The following RORA variants were observed in gnomAD, a reference collection of about 807,000 sequenced individuals.
RORA encodes RAR related orphan receptor A, also known as nuclear receptor ROR-alpha.
Under a neutral mutation model 69.5 loss-of-function variants are expected in RORA, and 7 were observed. The observed-to-expected ratio is 0.10, with a 90% confidence interval of 0.06 to 0.19. The LOEUF (loss-of-function observed/expected upper bound fraction) is 0.19. Ranked by LOEUF, RORA falls within the 10% of genes least tolerant of loss-of-function variation. RORA has a pLI of 1.00. For synonymous variants in RORA, 261 were observed against 240.8 expected (o/e 1.08, Z -0.78); for missense variants, 457 against 663.0 (o/e 0.69, Z 3.41).
At chr15:60,709,317 C>G (rs1261900567) in intron 1 of RORA, among the ~76,000 whole-genome samples, 6 of 152,146 alleles carry the variant, frequency 3.9e-5, no homozygotes, top group Admixed American at 3.9e-4. Context: ...TCTGAGAAAC[C>G]ATTAGCATTA....
At chr15:60,669,061 G>C (rs2070423811) in intron 2 of RORA, among the ~76,000 whole-genome samples, 1 of 152,188 alleles carries the variant, frequency 6.6e-6, no homozygotes, top group South Asian at 2.1e-4. Flanking sequence ...GGGTTGGAAA[G>C]ACAGAGGCTC....
intron 1 of RORA, among the ~76,000 whole-genome samples, chr15:60,903,480 T>C (rs1891446838): frequency 6.6e-6 from 1 of 152,148 alleles, no homozygotes; most frequent in African/African-American, 2.4e-5. Flanking sequence ...ATCCTCAGAG[T>C]CCTAATTCTG....
In RORA at chr15:60,949,673, TG is replaced by T. The variant is rs139535188; in HGVS notation, c.167-270988del. Among the ~76,000 whole-genome samples, 988 of 152,378 alleles carry T rather than the reference TG, an allele frequency of 6.5e-3. 4 individuals carry two copies. Among genetic ancestry groups the T allele is most frequent in the Middle Eastern group, 0.027 (8 of 294 alleles). ...TTGTCAACTGGTGTCTTGCTGCATTTGCCACAGATCCCATAGTGTGGTGTTA... is the reference window on the plus strand; with the variant it reads ...TTGTCAACTGGTGTCTTGCTGCATTTCCACAGATCCCATAGTGTGGTGTTA... On this transcript the variant is annotated intron_variant, in intron 1 of 10. Transcript: ENST00000335670.
chr15:60,859,267 G>A (rs537756349), intron 1 of RORA, among the ~76,000 whole-genome samples: 1 of 151,912 alleles, frequency 6.6e-6, no homozygotes, highest in Non-Finnish European at 1.5e-5. Context: ...AAGGACAATG[G>A]CTTTGTCGTC....
intron 1 of RORA, among the ~76,000 whole-genome samples, chr15:61,025,860 T>A (rs1431509879): frequency 6.6e-6 from 1 of 152,240 alleles, no homozygotes; most frequent in African/African-American, 2.4e-5. Flanking sequence ...TTGCCATGCC[T>A]ACATTCTTTC....
chr15:61,100,112 CTTT>C (rs911036920), intron 1 of RORA, among the ~76,000 whole-genome samples: 1 of 119,054 alleles, frequency 8.4e-6, no homozygotes, highest in Admixed American at 9.0e-5. Context: ...GGTCAATTTT[CTTT>C]TTTTTTTTTT....
chr15:60,867,643 T>G (rs933222060), intron 1 of RORA, among the ~76,000 whole-genome samples: 1 of 152,212 alleles, frequency 6.6e-6, no homozygotes, highest in African/African-American at 2.4e-5. Context: ...CATTAGAGCC[T>G]AAGTGTATCA....
intron 1 of RORA, among the ~76,000 whole-genome samples, chr15:60,752,797 A>C (rs1314245117): frequency 6.6e-6 from 1 of 152,162 alleles, no homozygotes; most frequent in African/African-American, 2.4e-5. Context: ...CATTGGATGA[A>C]TCAGCCTCCC....
intron 1 of RORA, among the ~76,000 whole-genome samples, chr15:60,983,237 A>C (rs1894099366): frequency 6.6e-6 from 1 of 152,240 alleles, no homozygotes; most frequent in African/African-American, 2.4e-5. Context: ...ACTGACCAGC[A>C]TTAACAATAA....
At chr15:60,978,959 C>CTTTTTT (rs1555399125) in intron 1 of RORA, among the ~76,000 whole-genome samples, 2 of 48,988 alleles carry the variant, frequency 4.1e-5, no homozygotes, top group African/African-American at 7.3e-5. Context: ...TCCAACTTTG[C>CTTTTTT]TCTTTTTTTT....
intron 1 of RORA, among the ~76,000 whole-genome samples, chr15:60,858,980 CTT>C (rs10707424): frequency 4.8e-5 from 7 of 145,864 alleles, no homozygotes; most frequent in Admixed American, 6.9e-5. Context: ...TAGGCTTCAT[CTT>C]TTTTTTTTTT....
intron 1 of RORA, among the ~76,000 whole-genome samples, chr15:61,170,857 A>T (rs1331499216): frequency 6.6e-6 from 1 of 152,212 alleles, no homozygotes; most frequent in Non-Finnish European, 1.5e-5. Context: ...GCACAGACAC[A>T]TCCTTTTACA....
chr15:60,536,539 G>C (rs1384756291), intron 2 of RORA, among the ~76,000 whole-genome samples: 3 of 152,240 alleles, frequency 2.0e-5, no homozygotes, highest in African/African-American at 7.2e-5. Context: ...TTGCAGGAGT[G>C]TCACAGGGAA....
intron 1 of RORA, among the ~76,000 whole-genome samples, chr15:60,917,609 C>T (rs565797239): frequency 1.5e-4 from 23 of 152,152 alleles, no homozygotes; most frequent in Non-Finnish European, 2.9e-4. Context: ...AAACGTCGGC[C>T]GAGGGGCAGC....
At chr15:60,592,594 G>A in intron 2 of RORA, 3 of 1,212,678 alleles carry the variant, frequency 2.5e-6, no homozygotes, top group Non-Finnish European at 3.1e-6. Context: ...CACGGCCGCC[G>A]CTCTGTTTAC....
intron 3 of RORA, among the ~76,000 whole-genome samples, chr15:60,526,089 G>A (rs2066346019): frequency 6.6e-6 from 1 of 152,216 alleles, no homozygotes; most frequent in Admixed American, 6.5e-5. Flanking sequence ...TCTTTAGAAA[G>A]AGCAGGCGGC....
intron 1 of RORA, among the ~76,000 whole-genome samples, chr15:60,776,256 AC>A (rs1228368902): frequency 6.6e-6 from 1 of 152,190 alleles, no homozygotes; most frequent in African/African-American, 2.4e-5. Context: ...CACACTTCAG[AC>A]TGAATCTTCT....
At chr15:60,559,373 T>G (rs1378074993) in intron 2 of RORA, among the ~76,000 whole-genome samples, 1 of 152,210 alleles carries the variant, frequency 6.6e-6, no homozygotes, top group East Asian at 1.9e-4. Context: ...TTGTAATTAA[T>G]ATTTTGTCTT....
At chr15:61,044,144 C>T (rs906259981) in intron 1 of RORA, among the ~76,000 whole-genome samples, 56 of 152,246 alleles carry the variant, frequency 3.7e-4, no homozygotes, top group African/African-American at 1.3e-3. Context: ...AAGCAATTAG[C>T]TTCCTCTGCT....
Sources: gnomAD v4.1 joint callset for allele counts (sites outside exome capture counted in the v4.1 genomes callset) on GRCh38, gnomAD v4.1.1 for gene constraint, MANE v1.5 for transcripts, NCBI Gene and HGNC (gene_info 2026-07-23, HGNC 2026-07-21) for gene names.